KSR1: variants seen among roughly 807,000 people sequenced by gnomAD.
KSR1 encodes kinase suppressor of ras.
KSR1 carries 35 observed loss-of-function variants against 92.9 expected under a neutral mutation model. The observed-to-expected ratio is 0.38, with a 90% CI of 0.29 to 0.50. The LOEUF is 0.50. KSR1 is among the 20% of genes least tolerant of loss of function. The pLI is 0.94. For synonymous variants in KSR1, 467 were observed against 472.6 expected (o/e 0.99, Z 0.15); for missense variants, 972 against 1,158.5 (o/e 0.84, Z 2.34).
intron 1 of KSR1, among the ~76,000 whole-genome samples, chr17:27,509,141 T>C (rs1373794973): frequency 6.6e-6 from 1 of 152,136 alleles, no homozygotes; most frequent in Non-Finnish European, 1.5e-5. Context: ...AAAGAACAGT[T>C]TCCTACATTC....
At chr17:27,621,773 G>A (rs1339173691) in intron 20 of KSR1, among the ~76,000 whole-genome samples, 1 of 152,178 alleles carries the variant, frequency 6.6e-6, no homozygotes, top group Non-Finnish European at 1.5e-5. Flanking sequence ...GTGCAGCCAA[G>A]CCTGGGGGAT....
intron 1 of KSR1, among the ~76,000 whole-genome samples, chr17:27,495,940 G>C (rs559989204): frequency 6.6e-6 from 1 of 152,164 alleles, no homozygotes; most frequent in Non-Finnish European, 1.5e-5. Flanking sequence ...CTTCCAAGAA[G>C]AGACGAGATG....
At chr17:27,580,740 C>G (rs149858806) in intron 3 of KSR1, among the ~76,000 whole-genome samples, 2 of 152,022 alleles carry the variant, frequency 1.3e-5, no homozygotes, top group East Asian at 1.9e-4. Context: ...AATACAGGTG[C>G]GTCAGTCCCT....
At chr17:27,563,980 G>GTTTTTTTTTTTTTTTT (rs1567832073) in intron 2 of KSR1, among the ~76,000 whole-genome samples, 1 of 82,654 alleles carries the variant, frequency 1.2e-5, no homozygotes, top group Non-Finnish European at 2.5e-5. Context: ...GTATTCGGTA[G>GTTTTTTTTTTTTTTTT]CTTTTTTTTT....
At chr17:27,534,814 G>A (rs534169981) in intron 1 of KSR1, among the ~76,000 whole-genome samples, 1 of 152,262 alleles carries the variant, frequency 6.6e-6, no homozygotes, top group South Asian at 2.1e-4. Flanking sequence ...CTCCCTCCCA[G>A]AGCTGATGTC....
At chr17:27,466,799 G>A (rs907883205) in intron 1 of KSR1, among the ~76,000 whole-genome samples, 8 of 152,272 alleles carry the variant, frequency 5.3e-5, no homozygotes, top group Admixed American at 2.6e-4. Context: ...GGCCTGGGCC[G>A]GCTGGGGCCA....
chr17:27,519,109 C>T (rs924655230), intron 1 of KSR1, among the ~76,000 whole-genome samples: 1 of 152,162 alleles, frequency 6.6e-6, no homozygotes, highest in Non-Finnish European at 1.5e-5. Flanking sequence ...CTTGTAAGGC[C>T]GCTGGTGGGT....
intron 16 of KSR1, chr17:27,609,752 GCAGAT>G: frequency 2.8e-6 from 1 of 353,514 alleles, no homozygotes; most frequent in Non-Finnish European, 5.2e-6. Context: ...AGATCCACAG[GCAGAT>G]CAGGGTTCCT....
chr17:27,616,395 GA>G (rs2074055729), intron 18 of KSR1, among the ~76,000 whole-genome samples: 1 of 152,172 alleles, frequency 6.6e-6, no homozygotes, highest in South Asian at 2.1e-4. Context: ...TTTCAGTTCA[GA>G]AATTATATTT....
At chr17:27,623,181 T>A in intron 20 of KSR1, 133 bp from the exon 21 acceptor site, 1 of 690,960 alleles carries the variant, frequency 1.4e-6, no homozygotes, top group Non-Finnish European at 2.6e-6. Context: ...CTGCCAGGGC[T>A]GTTGGCCAAT....
intron 1 of KSR1, among the ~76,000 whole-genome samples, chr17:27,539,278 A>C (rs1235513580): frequency 6.6e-6 from 1 of 152,176 alleles, no homozygotes; most frequent in African/African-American, 2.4e-5. Flanking sequence ...AGACAAACAC[A>C]TGGAGTGTGT....
intron 18 of KSR1, 132 bp from the exon 19 acceptor site, chr17:27,617,163 G>A (rs2074085621): frequency 8.6e-6 from 8 of 930,298 alleles, no homozygotes; most frequent in Admixed American, 3.1e-5. Flanking sequence ...CTTCATGTCG[G>A]CAGGGTGTTC....
chr17:27,557,142 T>C (rs2071629026), intron 2 of KSR1, among the ~76,000 whole-genome samples: 1 of 152,068 alleles, frequency 6.6e-6, no homozygotes, highest in Admixed American at 6.5e-5. Flanking sequence ...GATAGGTCCT[T>C]GGGGATTTCT....
chr17:27,458,647 G>A (rs561982607), intron 1 of KSR1, among the ~76,000 whole-genome samples: 4 of 152,154 alleles, frequency 2.6e-5, no homozygotes, highest in Non-Finnish European at 4.4e-5. Flanking sequence ...TTGTTTAGAC[G>A]ATCATCCCTG....
chr17:27,533,685 A>T (rs2948540), intron 1 of KSR1, among the ~76,000 whole-genome samples: 62,269 of 151,990 alleles, frequency 0.41, 13,424 homozygotes, highest in African/African-American at 0.54. Flanking sequence ...CCCAGCCGCA[A>T]CCATTCATTT....
intron 1 of KSR1, among the ~76,000 whole-genome samples, chr17:27,501,036 C>A (rs1048375349): frequency 2.0e-5 from 3 of 152,136 alleles, no homozygotes; most frequent in Admixed American, 6.6e-5. Context: ...TGCATGAGCT[C>A]CAGGATACAG....
intron 18 of KSR1, among the ~76,000 whole-genome samples, chr17:27,615,676 C>T (rs998823486): frequency 2.0e-5 from 3 of 152,128 alleles, no homozygotes; most frequent in African/African-American, 7.2e-5. Context: ...ACAGCTGTTA[C>T]CCTTCTGTTT....
Position 27,605,816 on chromosome 17 carries a change from A to G in KSR1, c.1994+3A>G, listed in dbSNP as rs1175156822. On this transcript the variant is annotated splice_donor_region_variant and intron_variant, in intron 14 of 20. Transcript: ENST00000644974. The stretch of plus-strand genomic sequence containing the variant: ...CCCCACCTGGCCATTATCACCAGGT[A>G]ACCAAGCCCTAGGACCTCATGCTGG... 3.7e-6 allele frequency: 6 copies of G among 1,612,360 alleles called. No homozygotes were observed. The highest frequency in any genetic ancestry group is 3.4e-6 in the Non-Finnish European group (4 of 1,179,660).
chr17:27,506,800 C>G (rs1022092530), intron 1 of KSR1, among the ~76,000 whole-genome samples: 1 of 151,850 alleles, frequency 6.6e-6, no homozygotes, highest in Admixed American at 6.6e-5. Context: ...CCTGCCCAAG[C>G]CTGAGGAAGA....
Sources: gnomAD v4.1 joint callset for allele counts (sites outside exome capture counted in the v4.1 genomes callset) on GRCh38, gnomAD v4.1.1 for gene constraint, MANE v1.5 for transcripts, NCBI Gene and HGNC (gene_info 2026-07-23, HGNC 2026-07-21) for gene names.